YTHDC2: variants seen among roughly 807,000 people sequenced by gnomAD.
YTHDC2 encodes 3'-5' RNA helicase YTHDC2.
Under a neutral mutation model 174.9 loss-of-function variants are expected in YTHDC2, and 45 were observed. The observed-to-expected ratio is 0.26, with a 90% CI of 0.20 to 0.33. The LOEUF (loss-of-function observed/expected upper bound fraction) is 0.33. YTHDC2 is among the 10% of genes least tolerant of loss of function. The pLI is 1.00. For synonymous variants in YTHDC2, 657 were observed against 574.5 expected, an observed-to-expected ratio of 1.14 and a Z score of -2.05; for missense variants, 1,650 against 1,723.7, an observed-to-expected ratio of 0.96 and a Z score of 0.76.
chr5:113,563,953 T>C lies in YTHDC2; in HGVS notation c.2537T>C (p.Leu846Ser). ...GAACCACATCTTGGTAAAATGGTCTTGTGTGCTGTTGTTTTAAAGTGTCTG... is the reference window on the plus strand; with the variant it reads ...GAACCACATCTTGGTAAAATGGTCTCGTGTGCTGTTGTTTTAAAGTGTCTG... Reference protein sequence around the residue: ...PVEPHLGKMVLCAVVLKCLDP... With the variant: ...PVEPHLGKMVSCAVVLKCLDP... Residue 846 changes from leucine to serine, a missense_variant, in exon 20 of 30, where the codon TTG (leucine) becomes TCG (serine). Around this residue, in one of 5 missense-constraint regions of YTHDC2, gnomAD observed 913 missense variants for 940.4 expected, o/e 0.97. Transcript: ENST00000161863. 6.2e-7 allele frequency: 1 copy of C among 1,614,176 alleles called. No individual in the cohort carries two copies. Among genetic ancestry groups the C allele is most frequent in the Non-Finnish European group, 8.5e-7 (1 of 1,180,020 alleles).
Position 113,524,023 on chromosome 5 carries a change from A to G in YTHDC2, c.279-958A>G, listed in dbSNP as rs1030129271. ...TTATTTAGAGTCTACTCTGCAACAG[A>G]TACTGCACTTTGCATGTATTATCTT... On this transcript the variant is annotated intron_variant, in intron 2 of 29. Coordinates refer to ENST00000161863, the MANE Select transcript of YTHDC2 (RefSeq NM_022828.5). Among the ~76,000 whole-genome samples, 20 of 152,234 alleles carry G rather than the reference A, an allele frequency of 1.3e-4. No homozygotes were observed. The South Asian group carries it at 2.7e-3, about 20-fold the overall frequency.
At position 113,526,683 on chromosome 5, in the gene YTHDC2, G is replaced by A. The variant is rs757279624; in HGVS notation, c.573G>A (p.Gln191=). Residue 191 remains glutamine, a synonymous_variant, in exon 4 of 30, where the codon CAG becomes CAA. Transcript: ENST00000161863. The part of the protein sequence containing the change: ...RGESEFDSFR[Q]SLPVFEKQEE... Reference sequence around the variant, plus strand: ...AATCCGAATTTGATTCTTTTAGGCAGTCTTTACCAGTGTTTGAGAAACAGG... The same window carrying A: ...AATCCGAATTTGATTCTTTTAGGCAATCTTTACCAGTGTTTGAGAAACAGG... 3 of 1,596,930 alleles carry A rather than the reference G, an allele frequency of 1.9e-6. No homozygotes were observed. In the South Asian group the frequency reaches 3.4e-5, roughly 18 times the overall value.
At chr5:113,578,308 A>G (rs963822814) in intron 23 of YTHDC2, among the ~76,000 whole-genome samples, 3 of 151,938 alleles carry the variant, frequency 2.0e-5, no homozygotes, top group African/African-American at 7.3e-5. Context: ...TGATCCTCCC[A>G]CCTTAGCCTC....
chr5:113,566,807 A>T (rs189449913), intron 21 of YTHDC2, among the ~76,000 whole-genome samples: 106 of 152,244 alleles, frequency 7.0e-4, no homozygotes, highest in African/African-American at 2.1e-3. Flanking sequence ...ATTATGAAGA[A>T]CTTTATTGCA....
intron 10 of YTHDC2, among the ~76,000 whole-genome samples, chr5:113,545,078 G>T (rs1712115195): frequency 6.6e-6 from 1 of 151,988 alleles, no homozygotes; most frequent in African/African-American, 2.4e-5. Context: ...TTGGCCCGTT[G>T]TTTCTGCCTA....
chr5:113,535,921 G>C (rs548845014), intron 7 of YTHDC2, 123 bp downstream of exon 7: 5 of 747,012 alleles, frequency 6.7e-6, no homozygotes, highest in Non-Finnish European at 1.0e-5. Flanking sequence ...TTCCACCTGA[G>C]ATAGGCTTAA....
At chr5:113,551,128 A>G (rs570137537) in intron 12 of YTHDC2, among the ~76,000 whole-genome samples, 41 of 152,192 alleles carry the variant, frequency 2.7e-4, no homozygotes, top group African/African-American at 9.4e-4. Context: ...TAGTTGTGAC[A>G]TTGAGTCTCA....
chr5:113,538,619 TAGTG>T (rs767602486), intron 7 of YTHDC2, among the ~76,000 whole-genome samples: 8 of 136,024 alleles, frequency 5.9e-5, no homozygotes, highest in South Asian at 2.2e-4. Context: ...CTCATTTTCT[TAGTG>T]AGGATACTTT....
intron 23 of YTHDC2, among the ~76,000 whole-genome samples, chr5:113,576,568 A>G (rs758991682): frequency 1.3e-5 from 2 of 152,180 alleles, no homozygotes; most frequent in East Asian, 1.9e-4. Context: ...AGTGAATTTC[A>G]TGGCAACTAT....
Position 113,553,951 on chromosome 5 carries a change from A to G in YTHDC2, c.2062A>G (p.Thr688Ala). The G allele has an allele frequency of 6.3e-7, 1 of 1,583,840 alleles. No homozygotes were observed. The highest frequency in any genetic ancestry group is 8.6e-7 in the Non-Finnish European group (1 of 1,169,004). ...PAGVRKIILSTNIAETSITVN... is the reference protein window; with the variant it reads ...PAGVRKIILSANIAETSITVN... ...TAATATCTTGTTGCAGATTCTTTCCACCAATATTGCTGAAACCAGCATCAC... is the reference window on the plus strand; with the variant it reads ...TAATATCTTGTTGCAGATTCTTTCCGCCAATATTGCTGAAACCAGCATCAC... The change falls in exon 16 of 30, where the codon ACC becomes GCC. Residue 688 changes from threonine (T) to alanine (A), a missense_variant. By Grantham distance (58) the Thr-to-Ala change is moderately conservative. This residue lies in a region of YTHDC2 where 913 missense variants were observed against 940.4 expected (regional missense o/e 0.97). Transcript: ENST00000161863.
intron 17 of YTHDC2, among the ~76,000 whole-genome samples, chr5:113,556,558 A>G (rs960146078): frequency 6.6e-6 from 1 of 152,206 alleles, no homozygotes; most frequent in African/African-American, 2.4e-5. Flanking sequence ...CCTCACATAT[A>G]CTACCTAATA....
At chr5:113,560,787 C>G (rs990239510) in intron 17 of YTHDC2, among the ~76,000 whole-genome samples, 2 of 152,136 alleles carry the variant, frequency 1.3e-5, no homozygotes, top group African/African-American at 4.8e-5. Flanking sequence ...TTCATTCATG[C>G]TTTGTTTTTT....
intron 18 of YTHDC2, among the ~76,000 whole-genome samples, chr5:113,561,947 A>G (rs1777003433): frequency 7.9e-6 from 1 of 126,026 alleles, no homozygotes; most frequent in Admixed American, 8.8e-5. Context: ...TCTGACCTCT[A>G]TTAATTGTGG....
chr5:113,526,486 T>C (rs1774245647), intron 3 of YTHDC2, 100 bp from the exon 4 acceptor site: 8 of 840,842 alleles, frequency 9.5e-6, no homozygotes, highest in Middle Eastern at 2.7e-4. Flanking sequence ...TTATGTCTTT[T>C]GGCATGTTTT....
At chr5:113,531,282 C>T (rs983186341) in intron 4 of YTHDC2, among the ~76,000 whole-genome samples, 11 of 152,128 alleles carry the variant, frequency 7.2e-5, no homozygotes, top group Non-Finnish European at 1.5e-4. Context: ...TTTTGCCTGT[C>T]AGTTAGGCTG....
Position 113,554,020 on chromosome 5 carries a change from G to A in YTHDC2, c.2131G>A (p.Glu711Lys). The A allele has an allele frequency of 2.6e-6, 4 of 1,560,668 alleles. No homozygotes were observed. Among genetic ancestry groups the A allele is most frequent in the Non-Finnish European group, 3.5e-6 (4 of 1,155,760 alleles). Reference sequence around the variant, plus strand: ...TGTTATTGATTCTGGTAAGGTGAAAGAGGTATGTATGGGTAAGTTGTAGTT... The same window carrying A: ...TGTTATTGATTCTGGTAAGGTGAAAAAGGTATGTATGGGTAAGTTGTAGTT... The part of the protein sequence containing the change: ...VFVIDSGKVK[E>K]KSFDALNFVT... Residue 711 changes from glutamate to lysine, a missense_variant and splice_region_variant, in exon 16 of 30, where the codon GAG (glutamate) becomes AAG (lysine). This residue lies in a region of YTHDC2 where 913 missense variants were observed against 940.4 expected (regional missense o/e 0.97). Transcript: ENST00000161863.
chr5:113,528,012 G>T (rs546410608), intron 4 of YTHDC2, among the ~76,000 whole-genome samples: 71 of 152,274 alleles, frequency 4.7e-4, no homozygotes, highest in African/African-American at 1.4e-3. Context: ...CAGAGAATTT[G>T]TTTAGCTGTC....
chr5:113,570,200 A>G (rs1330833205), intron 23 of YTHDC2, among the ~76,000 whole-genome samples: 1 of 152,002 alleles, frequency 6.6e-6, no homozygotes, highest in Non-Finnish European at 1.5e-5. Context: ...GGGTTCAAGC[A>G]ATTCTCCTGC....
chr5:113,566,129 C>A (rs115628863), intron 21 of YTHDC2, 110 bp downstream of exon 21: 37 of 1,237,570 alleles, frequency 3.0e-5, no homozygotes, highest in Non-Finnish European at 3.8e-5. Flanking sequence ...ATGACATTAT[C>A]ATGTTGTGTA....
Sources: gnomAD v4.1 joint callset for allele counts (sites outside exome capture counted in the v4.1 genomes callset) on GRCh38, gnomAD v4.1.1 for gene constraint, gnomAD v4.1.1 regional missense constraint, MANE v1.5 for transcripts, NCBI Gene and HGNC (gene_info 2026-07-23, HGNC 2026-07-21) for gene names.